FOXK2: variants seen among roughly 807,000 people sequenced by gnomAD.
FOXK2 encodes forkhead box protein K2.
A neutral mutation model predicts 53.3 loss-of-function variants in FOXK2; 24 were observed. The ratio of observed to expected loss-of-function variants is 0.45; its 90% CI spans 0.33 to 0.63. FOXK2 has a LOEUF of 0.63. FOXK2 is among the 30% of genes least tolerant of loss of function. FOXK2 has a pLI of 0.03. For missense variants in FOXK2, 952 were observed against 910.5 expected (o/e 1.05, Z -0.59); for synonymous variants, 505 against 407.1 (o/e 1.24, Z -2.89).
chr17:82,554,738 GT>G (rs78786521), intron 1 of FOXK2, among the ~76,000 whole-genome samples: 69 of 145,152 alleles, frequency 4.8e-4, no homozygotes, highest in East Asian at 2.6e-3. Flanking sequence ...ATCCAGTGAG[GT>G]TTTTTTTTTT....
At chr17:82,571,364 G>A (rs1390762195) in intron 3 of FOXK2, among the ~76,000 whole-genome samples, 2 of 152,170 alleles carry the variant, frequency 1.3e-5, no homozygotes, top group Non-Finnish European at 1.5e-5. Context: ...ACGTTGGGAG[G>A]CCGAGGCAGG....
intron 8 of FOXK2, among the ~76,000 whole-genome samples, chr17:82,591,785 G>A (rs1008296920): frequency 1.3e-5 from 2 of 152,212 alleles, no homozygotes; most frequent in African/African-American, 2.4e-5. Flanking sequence ...GGGTGCCGCC[G>A]TCCACACCAC....
chr17:82,579,795 C>T (rs2045035498), intron 4 of FOXK2, among the ~76,000 whole-genome samples: 1 of 87,382 alleles, frequency 1.1e-5, no homozygotes, highest in Non-Finnish European at 2.3e-5. Flanking sequence ...CACACATGGC[C>T]TAGCCCTCCT....
chr17:82,555,333 G>A (rs572324865), intron 1 of FOXK2, among the ~76,000 whole-genome samples: 2 of 152,188 alleles, frequency 1.3e-5, no homozygotes, highest in East Asian at 3.9e-4. Flanking sequence ...CTAACCCCCG[G>A]CATCTGGTTT....
chr17:82,545,460 G>A (rs1373212882), intron 1 of FOXK2, among the ~76,000 whole-genome samples: 1 of 152,028 alleles, frequency 6.6e-6, no homozygotes, highest in African/African-American at 2.4e-5. Flanking sequence ...TAGTAACGTG[G>A]ATATACAACG....
At chr17:82,588,558 T>G (rs2045220899) in intron 8 of FOXK2, 1 of 155,216 alleles carries the variant, frequency 6.4e-6, no homozygotes, top group African/African-American at 2.4e-5. Context: ...GGCCTAGTGA[T>G]TCCCAGATTC....
chr17:82,603,720 T>G lies in FOXK2; in HGVS notation c.*2221T>G, dbSNP rs1387303161. ...AAATGGTAAAGAAGGGAGGAGGGTG[T>G]TTTTTTTTTTTTTTTTTGCCGTAGG... On this transcript the variant is annotated 3_prime_UTR_variant, in exon 9 of 9. Coordinates refer to ENST00000335255, the MANE Select transcript of FOXK2 (RefSeq NM_004514.4). 1 of 6,206 alleles carries G rather than the reference T, an allele frequency of 1.6e-4. No individual in the cohort carries two copies. The highest frequency in any genetic ancestry group is 6.8e-3 in the South Asian group (1 of 146). The allele number at this position is 6,206 out of a possible 1,614,324, so 0.4% of individuals were successfully genotyped here. A position where few individuals can be genotyped will look rare whatever the true frequency, so the allele number is the denominator to read the frequency against.
chr17:82,571,556 G>A (rs140043972), intron 3 of FOXK2, among the ~76,000 whole-genome samples, 168 bp from the exon 4 acceptor site: 3 of 152,238 alleles, frequency 2.0e-5, no homozygotes, highest in African/African-American at 2.4e-5. Flanking sequence ...AGCCAAGATC[G>A]CGTCACTGTA....
intron 3 of FOXK2, among the ~76,000 whole-genome samples, chr17:82,569,161 GAGTA>G (rs1345825269): frequency 6.6e-6 from 1 of 152,206 alleles, no homozygotes; most frequent in Admixed American, 6.5e-5. Flanking sequence ...GGAAGAAAGA[GAGTA>G]AGAACCATGC....
intron 1 of FOXK2, among the ~76,000 whole-genome samples, chr17:82,525,736 A>G (rs1026540605): frequency 1.3e-5 from 2 of 152,254 alleles, no homozygotes; most frequent in Non-Finnish European, 2.9e-5. Flanking sequence ...TATAAATAGA[A>G]CAAGTTGAAT....
chr17:82,564,987 C>G (rs1297214951), intron 2 of FOXK2, among the ~76,000 whole-genome samples: 1 of 152,074 alleles, frequency 6.6e-6, no homozygotes, highest in African/African-American at 2.4e-5. Flanking sequence ...GCCTCGGCCT[C>G]CCAAAGTGCT....
rs1161490129 is a variant in FOXK2 at position 82,519,915 on chromosome 17, G to C, written c.27G>C (p.Ser9=). The change falls in exon 1 of 9, where the codon TCG becomes TCC. Residue 9 remains serine, a synonymous_variant. Coordinates refer to ENST00000335255, the MANE Select transcript of FOXK2 (RefSeq NM_004514.4). The part of the protein sequence containing the change: MAAAAAAL[S]GAGTPPAGGG... ...TGGCGGCGGCCGCGGCGGCGCTCTC[G>C]GGCGCGGGCACGCCACCCGCGGGCG... 1 of 978,164 alleles carries C rather than the reference G, an allele frequency of 1.0e-6. No individual in the cohort carries two copies. Among genetic ancestry groups the C allele is most frequent in the African/African-American group, 1.8e-5 (1 of 56,318 alleles). The allele number at this position is 978,164 out of a possible 1,614,324, so 60.6% of individuals were successfully genotyped here. A position where few individuals can be genotyped will look rare whatever the true frequency, so the allele number is the denominator to read the frequency against.
In FOXK2 at chr17:82,601,597, G is replaced by C. The variant is rs2045386841; in HGVS notation, c.*98G>C. On this transcript the variant is annotated 3_prime_UTR_variant, in exon 9 of 9. Transcript: ENST00000335255. Reference sequence around the variant, plus strand: ...TCGGGGGTGCAGGGCCCTGTGGTTGGACTTCACCTCTCAGCACTGAAAACC... The same window carrying C: ...TCGGGGGTGCAGGGCCCTGTGGTTGCACTTCACCTCTCAGCACTGAAAACC... 1.6e-6 allele frequency: 2 copies of C among 1,262,372 alleles called. No individual in the cohort carries two copies. Among genetic ancestry groups the C allele is most frequent in the Non-Finnish European group, 1.1e-6 (1 of 932,984 alleles). 78.2% of individuals were successfully genotyped at this position (1,262,372 alleles called of 1,614,324 possible).
chr17:82,535,251 A>G (rs2044509417), intron 1 of FOXK2, among the ~76,000 whole-genome samples: 1 of 152,184 alleles, frequency 6.6e-6, no homozygotes, highest in African/African-American at 2.4e-5. Flanking sequence ...TGCTGCTGTC[A>G]AGATTCTCTC....
rs547239876 is a variant in FOXK2 at position 82,602,726 on chromosome 17, G to A, written c.*1227G>A. On this transcript the variant is annotated 3_prime_UTR_variant, in exon 9 of 9. Coordinates refer to ENST00000335255, the MANE Select transcript of FOXK2 (RefSeq NM_004514.4). Reference sequence around the variant, plus strand: ...GAAAATGAGGACAGGACGGGGGTGAGGGAATGAGAGTGGGAGGTCCCTGCA... The same window carrying A: ...GAAAATGAGGACAGGACGGGGGTGAAGGAATGAGAGTGGGAGGTCCCTGCA... The A allele has an allele frequency of 1.3e-5, 2 of 152,362 alleles. No homozygotes were observed. The highest frequency in any genetic ancestry group is 2.9e-5 in the Non-Finnish European group (2 of 68,044). 9.4% of individuals were successfully genotyped at this position (152,362 alleles called of 1,614,324 possible).
chr17:82,603,512 G>C lies in FOXK2; in HGVS notation c.*2013G>C, dbSNP rs902157835. The C allele has an allele frequency of 3.3e-5, 5 of 152,156 alleles. No individual in the cohort carries two copies. The highest frequency in any genetic ancestry group is 4.1e-4 in the South Asian group (2 of 4,834). 9.4% of individuals were successfully genotyped at this position (152,156 alleles called of 1,614,324 possible). A position where few individuals can be genotyped will look rare whatever the true frequency, so the allele number is the denominator to read the frequency against. Reference sequence around the variant, plus strand: ...GGCTGGGACACCAAGCAAATGCATCGTATGTCCCCTTGGAGACGTTTTTAT... The same window carrying C: ...GGCTGGGACACCAAGCAAATGCATCCTATGTCCCCTTGGAGACGTTTTTAT... On this transcript the variant is annotated 3_prime_UTR_variant, in exon 9 of 9. Coordinates refer to ENST00000335255, the MANE Select transcript of FOXK2 (RefSeq NM_004514.4).
intron 1 of FOXK2, among the ~76,000 whole-genome samples, 184 bp downstream of exon 1, chr17:82,520,491 C>A (rs1053037119): frequency 1.5e-4 from 23 of 152,100 alleles, no homozygotes; most frequent in African/African-American, 5.5e-4. Context: ...TGGCCCCGAC[C>A]CCCGTCCTCC....
chr17:82,543,517 T>G (rs575791154), intron 1 of FOXK2, among the ~76,000 whole-genome samples: 1 of 152,378 alleles, frequency 6.6e-6, no homozygotes, highest in South Asian at 2.1e-4. Flanking sequence ...CCCAGAGCTT[T>G]TGCCTCTTCT....
intron 1 of FOXK2, among the ~76,000 whole-genome samples, chr17:82,550,197 A>AACACAC (rs144639667): frequency 6.6e-5 from 10 of 150,868 alleles, no homozygotes; most frequent in African/African-American, 2.4e-4. Flanking sequence ...TCTCTAAACA[A>AACACAC]ACACACACAC....
Sources: gnomAD v4.1 joint callset for allele counts (sites outside exome capture counted in the v4.1 genomes callset) on GRCh38, gnomAD v4.1.1 for gene constraint, MANE v1.5 for transcripts, NCBI Gene and HGNC (gene_info 2026-07-23, HGNC 2026-07-21) for gene names.